The following GSE1 variants were observed in gnomAD, a reference collection of about 807,000 sequenced individuals.
GSE1 encodes the protein Gse1 coiled-coil protein.
In GSE1, 32 loss-of-function variants were observed where a neutral mutation model predicts 112.6. The ratio of observed to expected loss-of-function variants is 0.28; its 90% CI spans 0.21 to 0.38. GSE1 has a LOEUF of 0.38. Ranked by LOEUF, GSE1 falls within the 10% of genes least tolerant of loss-of-function variation. GSE1 has a pLI of 1.00. For synonymous variants in GSE1, 1,115 were observed against 735.6 expected (o/e 1.52, Z -8.35); for missense variants, 2,348 against 1,699.2 (o/e 1.38, Z -6.71).
At chr16:85,597,944 G>A (rs1430616738) in intron 1 of GSE1, among the ~76,000 whole-genome samples, 1 of 152,116 alleles carries the variant, frequency 6.6e-6, no homozygotes, top group African/African-American at 2.4e-5. Context: ...GGTAGAGATC[G>A]GCCCTCAGGG....
At chr16:85,236,835 T>G (rs1184086600) in intron 1 of GSE1, among the ~76,000 whole-genome samples, 1 of 152,124 alleles carries the variant, frequency 6.6e-6, no homozygotes. Context: ...CAAGGCCCCC[T>G]GGGACCTTGG....
intron 2 of GSE1, among the ~76,000 whole-genome samples, chr16:85,521,891 G>T (rs1304367953): frequency 6.6e-6 from 1 of 152,240 alleles, no homozygotes; most frequent in Non-Finnish European, 1.5e-5. Context: ...TGCTAATGAG[G>T]TCCCGGCAGT....
chr16:85,359,483 A>G (rs1399052771), intron 2 of GSE1: 1 of 451,820 alleles, frequency 2.2e-6, no homozygotes, highest in Non-Finnish European at 4.5e-6. Flanking sequence ...CAAATGAATG[A>G]GTCATCCTGA....
At chr16:85,177,674 T>C (rs2074495231) in intron 1 of GSE1, among the ~76,000 whole-genome samples, 1 of 152,186 alleles carries the variant, frequency 6.6e-6, no homozygotes. Context: ...AAACGTCTTG[T>C]GATTTATTGG....
At chr16:85,618,450 C>G (rs899464411) in intron 1 of GSE1, among the ~76,000 whole-genome samples, 1 of 152,126 alleles carries the variant, frequency 6.6e-6, no homozygotes, top group South Asian at 2.1e-4. Context: ...GTTACTGTGT[C>G]GATCAGTGCA....
chr16:85,348,034 C>A (rs1190575436), intron 1 of GSE1, among the ~76,000 whole-genome samples: 1 of 152,198 alleles, frequency 6.6e-6, no homozygotes, highest in Admixed American at 6.6e-5. Context: ...GGACTTCTTG[C>A]GCTAAGTTGG....
At chr16:85,284,117 CCA>C (rs2044941004) in intron 1 of GSE1, among the ~76,000 whole-genome samples, 1 of 152,154 alleles carries the variant, frequency 6.6e-6, no homozygotes, top group Admixed American at 6.5e-5. Context: ...CCTTCAGAGG[CCA>C]GTTGTTCAGC....
intron 1 of GSE1, among the ~76,000 whole-genome samples, chr16:85,605,927 G>A (rs978996318): frequency 2.6e-5 from 4 of 152,108 alleles, no homozygotes; most frequent in African/African-American, 9.7e-5. Flanking sequence ...AAGAAAAGTT[G>A]CAAGGAGGAG....
At chr16:85,522,631 A>G (rs1338238484) in intron 2 of GSE1, among the ~76,000 whole-genome samples, 2 of 152,204 alleles carry the variant, frequency 1.3e-5, no homozygotes, top group African/African-American at 2.4e-5. Context: ...TGGCGGTGAC[A>G]TCTCTTGCCC....
intron 9 of GSE1, 125 bp downstream of exon 9, chr16:85,661,890 C>CAAAAAG: frequency 1.0e-6 from 1 of 970,048 alleles, no homozygotes. Context: ...GTCCCAGGCC[C>CAAAAAG]CAGGTGGCAA....
At chr16:85,171,885 TC>T in intron 1 of GSE1, 3 of 799,344 alleles carry the variant, frequency 3.8e-6, no homozygotes, top group Non-Finnish European at 4.5e-6. Flanking sequence ...TTTCTGTTCC[TC>T]AGAAAAACTC....
intron 1 of GSE1, among the ~76,000 whole-genome samples, chr16:85,181,852 G>A (rs934728078): frequency 6.6e-6 from 1 of 152,232 alleles, no homozygotes; most frequent in Non-Finnish European, 1.5e-5. Flanking sequence ...AGGCCTGGAT[G>A]TCCCGAGAGC....
At chr16:85,195,370 G>T (rs995963193) in intron 1 of GSE1, among the ~76,000 whole-genome samples, 1 of 152,164 alleles carries the variant, frequency 6.6e-6, no homozygotes, top group Non-Finnish European at 1.5e-5. Context: ...CACGTTGGAG[G>T]TGGGGGCCGT....
At chr16:85,584,866 G>C (rs2046615325) in intron 1 of GSE1, among the ~76,000 whole-genome samples, 1 of 151,772 alleles carries the variant, frequency 6.6e-6, no homozygotes, top group South Asian at 2.1e-4. Context: ...GGTGGAGGCT[G>C]CCAAGACCCT....
exon 1 of GSE1, chr16:85,171,204 G>T: frequency 1.0e-6 from 1 of 985,686 alleles, no homozygotes. Flanking sequence ...TCACCTCCGT[G>T]CAGGGCTTCC....
chr16:85,420,861 C>G (rs920148493), intron 2 of GSE1, among the ~76,000 whole-genome samples: 1 of 152,108 alleles, frequency 6.6e-6, no homozygotes, highest in Non-Finnish European at 1.5e-5. Flanking sequence ...TGCCGCGGGC[C>G]TCCACACGGG....
At chr16:85,317,360 C>T (rs867692830) in intron 1 of GSE1, among the ~76,000 whole-genome samples, 4 of 152,134 alleles carry the variant, frequency 2.6e-5, no homozygotes, top group African/African-American at 9.7e-5. Flanking sequence ...CTCTGGTGTG[C>T]TGTGCACACC....
At chr16:85,426,734 T>C (rs947841468) in intron 2 of GSE1, among the ~76,000 whole-genome samples, 1 of 151,906 alleles carries the variant, frequency 6.6e-6, no homozygotes, top group Admixed American at 6.6e-5. Flanking sequence ...GGATGGTAGA[T>C]GGAAGGATGG....
chr16:85,555,274 G>A, upstream of GSE1: 3 of 985,232 alleles, frequency 3.0e-6, no homozygotes, highest in Non-Finnish European at 3.6e-6. Flanking sequence ...TCGCCTCCCC[G>A]CTCTCCTCCT....
Sources: gnomAD v4.1 joint callset for allele counts (sites outside exome capture counted in the v4.1 genomes callset) on GRCh38, gnomAD v4.1.1 for gene constraint, MANE v1.5 for transcripts, NCBI Gene and HGNC (gene_info 2026-07-23, HGNC 2026-07-21) for gene names.